WDFY2: variants seen among roughly 807,000 people sequenced by gnomAD.
WDFY2 encodes WD repeat and FYVE domain containing 2, also known as WD repeat and FYVE domain-containing protein 2.
In WDFY2, 36 loss-of-function variants were observed where a neutral mutation model predicts 56.4. That is an observed-to-expected ratio of 0.64 (90% CI 0.49 to 0.84). The LOEUF is 0.84. Among genes scored for constraint, WDFY2 ranks in the 40% least tolerant of loss-of-function variants. WDFY2 has a pLI of 0.00. For missense variants in WDFY2, 444 were observed against 512.2 expected (o/e 0.87, Z 1.29); for synonymous variants, 176 against 183.7 (o/e 0.96, Z 0.34).
At chr13:51,634,308 A>G (rs1471384848) in intron 1 of WDFY2, among the ~76,000 whole-genome samples, 1 of 151,440 alleles carries the variant, frequency 6.6e-6, no homozygotes, top group Non-Finnish European at 1.5e-5. Context: ...TTACTCTGTG[A>G]GTTCTGTGAG....
At chr13:51,599,609 A>G (rs1372125976) in intron 1 of WDFY2, 1 of 152,250 alleles carries the variant, frequency 6.6e-6, no homozygotes, top group Non-Finnish European at 1.5e-5. Context: ...TCATGTAGTG[A>G]GAGAACTAAG....
At chr13:51,707,987 C>A (rs1425666096) in intron 4 of WDFY2, among the ~76,000 whole-genome samples, 1 of 90,450 alleles carries the variant, frequency 1.1e-5, no homozygotes, top group Non-Finnish European at 2.0e-5. Flanking sequence ...CTGAGTCTTG[C>A]TCTGTCACCC....
intron 1 of WDFY2, among the ~76,000 whole-genome samples, chr13:51,601,679 T>G (rs1231881855): frequency 6.6e-6 from 1 of 152,114 alleles, no homozygotes; most frequent in Non-Finnish European, 1.5e-5. Context: ...GCCTCCCAAC[T>G]AGTTTACTGT....
chr13:51,760,165 T>C lies in WDFY2; in HGVS notation c.*396T>C, dbSNP rs1953537153. The C allele has an allele frequency of 6.1e-6, 1 of 163,512 alleles. No homozygotes were observed. Among genetic ancestry groups the C allele is most frequent in the Non-Finnish European group, 1.3e-5 (1 of 75,464 alleles). 10.1% of individuals were successfully genotyped at this position (163,512 alleles called of 1,614,324 possible). A position where few individuals can be genotyped will look rare whatever the true frequency, so the allele number is the denominator to read the frequency against. On this transcript the variant is annotated 3_prime_UTR_variant, in exon 12 of 12. Transcript: ENST00000298125. ...TTTTGGTCATTATACTTTCTGTGTT[T>C]ACTTCAACATGTGTCACGTGGCCAG...
intron 6 of WDFY2, among the ~76,000 whole-genome samples, chr13:51,737,882 T>C (rs1295826209): frequency 6.6e-6 from 1 of 152,192 alleles, no homozygotes; most frequent in Non-Finnish European, 1.5e-5. Flanking sequence ...AGCAGGAGTG[T>C]ATACCAGCAG....
intron 3 of WDFY2, among the ~76,000 whole-genome samples, chr13:51,696,506 T>A (rs1292879565): frequency 1.3e-5 from 2 of 152,122 alleles, no homozygotes; most frequent in Non-Finnish European, 2.9e-5. Context: ...TAAAACAGGG[T>A]TGGAGAACCC....
intron 1 of WDFY2, among the ~76,000 whole-genome samples, chr13:51,607,645 A>T (rs1274409093): frequency 6.6e-6 from 1 of 152,192 alleles, no homozygotes; most frequent in Admixed American, 6.6e-5. Context: ...TTAAAACAAC[A>T]AAAATTCAAT....
At chr13:51,740,826 T>C (rs1952954641) in intron 7 of WDFY2, among the ~76,000 whole-genome samples, 2 of 152,242 alleles carry the variant, frequency 1.3e-5, no homozygotes, top group Admixed American at 1.3e-4. Flanking sequence ...AATGCAGGTC[T>C]TGAATGAAGA....
intron 9 of WDFY2, 78 bp downstream of exon 9, chr13:51,755,537 C>A: frequency 7.1e-7 from 1 of 1,414,382 alleles, no homozygotes; most frequent in East Asian, 2.3e-5. Context: ...GAAATAACAC[C>A]CCTGGGTGGG....
intron 5 of WDFY2, among the ~76,000 whole-genome samples, chr13:51,726,971 C>G (rs1019225758): frequency 6.6e-6 from 1 of 152,090 alleles, no homozygotes; most frequent in Non-Finnish European, 1.5e-5. Context: ...CATAGCTTTT[C>G]CCACTCCAAG....
intron 1 of WDFY2, among the ~76,000 whole-genome samples, chr13:51,615,689 C>T (rs1031554029): frequency 4.6e-5 from 7 of 152,154 alleles, no homozygotes; most frequent in African/African-American, 1.7e-4. Context: ...CCATACAATA[C>T]AATTATTAAC....
intron 1 of WDFY2, among the ~76,000 whole-genome samples, chr13:51,621,637 A>T (rs1312455003): frequency 6.6e-6 from 1 of 152,238 alleles, no homozygotes; most frequent in African/African-American, 2.4e-5. Flanking sequence ...TCATGTCCTA[A>T]ACAGAGTTGC....
chr13:51,593,388 A>G (rs1317360587), intron 1 of WDFY2, among the ~76,000 whole-genome samples: 2 of 152,190 alleles, frequency 1.3e-5, no homozygotes, highest in African/African-American at 2.4e-5. Flanking sequence ...AAATTGTTAT[A>G]CATATAGGTG....
At chr13:51,678,990 T>TG (rs1955933586) in intron 3 of WDFY2, among the ~76,000 whole-genome samples, 1 of 151,656 alleles carries the variant, frequency 6.6e-6, no homozygotes, top group South Asian at 2.1e-4. Context: ...ATTAATGGAG[T>TG]GGGGGAAAAA....
At chr13:51,651,823 T>G (rs7988456) in intron 1 of WDFY2, among the ~76,000 whole-genome samples, 1 of 152,230 alleles carries the variant, frequency 6.6e-6, no homozygotes, top group Non-Finnish European at 1.5e-5. Flanking sequence ...CTTCCAACTA[T>G]GTGGTCAGTT....
At chr13:51,587,394 T>C (rs1359255454) in intron 1 of WDFY2, 2 of 152,254 alleles carry the variant, frequency 1.3e-5, no homozygotes, top group Non-Finnish European at 2.9e-5. Flanking sequence ...TACACGTTTG[T>C]TGTATCAGTG....
chr13:51,621,811 A>G (rs1954732627), intron 1 of WDFY2, among the ~76,000 whole-genome samples: 1 of 152,164 alleles, frequency 6.6e-6, no homozygotes, highest in South Asian at 2.1e-4. Context: ...ATGTGGTACT[A>G]ATGACTCTAA....
intron 6 of WDFY2, among the ~76,000 whole-genome samples, chr13:51,729,774 C>T (rs1030142949): frequency 1.3e-5 from 2 of 152,198 alleles, no homozygotes; most frequent in Non-Finnish European, 1.5e-5. Context: ...TAGCAAGTTC[C>T]TTCTTATTCT....
At chr13:51,618,941 G>C (rs541488296) in intron 1 of WDFY2, among the ~76,000 whole-genome samples, 1 of 152,314 alleles carries the variant, frequency 6.6e-6, no homozygotes, top group East Asian at 1.9e-4. Context: ...CAAGACTGCT[G>C]GAGCTCATCC....
Sources: allele counts gnomAD v4.1 joint callset (sites outside exome capture counted in the v4.1 genomes callset), GRCh38; gene constraint gnomAD v4.1.1; transcripts MANE v1.5; gene names NCBI Gene and HGNC (gene_info 2026-07-23, HGNC 2026-07-21).